Variants in RORB observed in about 807,000 individuals in gnomAD.
RORB encodes the protein RAR related orphan receptor B.
Under a neutral mutation model 59.1 loss-of-function variants are expected in RORB, and 6 were observed. The observed-to-expected ratio is 0.10, with a 90% CI of 0.06 to 0.20. The LOEUF is 0.20. Ranked by LOEUF, RORB falls within the 10% of genes least tolerant of loss-of-function variation. The pLI, the probability that RORB is intolerant of heterozygous loss-of-function variation, is 1.00. For missense variants in RORB, 320 were observed against 560.5 expected, an observed-to-expected ratio of 0.57 and a Z score of 4.33; for synonymous variants, 215 against 204.5, an observed-to-expected ratio of 1.05 and a Z score of -0.44.
chr9:74,602,839 A>G (rs1035984441), intron 1 of RORB, among the ~76,000 whole-genome samples: 2 of 152,208 alleles, frequency 1.3e-5, no homozygotes, highest in African/African-American at 4.8e-5. Context: ...TTAAATATAA[A>G]GTATTATTAT....
chr9:74,664,890 C>T (rs12001830), intron 6 of RORB, among the ~76,000 whole-genome samples: 22,912 of 152,178 alleles, frequency 0.15, 2,123 homozygotes, highest in Non-Finnish European at 0.19. Context: ...AGCAGTATTT[C>T]CTCAGGATGT....
intron 1 of RORB, among the ~76,000 whole-genome samples, chr9:74,579,546 G>T (rs143611262): frequency 2.4e-3 from 371 of 152,070 alleles, no homozygotes; most frequent in Non-Finnish European, 4.4e-3. Flanking sequence ...ACAAAAGTTG[G>T]GTTGACACAA....
At chr9:74,563,879 A>G (rs1021416727) in intron 1 of RORB, among the ~76,000 whole-genome samples, 6 of 152,216 alleles carry the variant, frequency 3.9e-5, no homozygotes, top group African/African-American at 1.2e-4. Flanking sequence ...ATGCCTTCCA[A>G]TGGTGACTAT....
chr9:74,516,790 A>G (rs1826016897), intron 1 of RORB, among the ~76,000 whole-genome samples: 1 of 151,996 alleles, frequency 6.6e-6, no homozygotes, highest in South Asian at 2.1e-4. Context: ...ACTTGATTTG[A>G]GTCTGGTGTT....
Position 74,642,791 on chromosome 9 carries a change from C to T in RORB, c.613C>T (p.Pro205Ser), listed in dbSNP as rs140313265. The T allele has an allele frequency of 7.6e-5, 122 of 1,594,832 alleles. No individual in the cohort carries two copies. In the African/African-American group the frequency reaches 1.3e-3, roughly 17 times the overall value. The change falls in exon 4 of 10, where the codon CCA (proline) becomes TCA (serine). Residue 205 changes from proline (P) to serine (S), a missense_variant. Around this residue, in one of 4 missense-constraint regions of RORB, gnomAD observed 134 missense variants for 156.2 expected, o/e 0.86. Coordinates refer to ENST00000376896, the MANE Select transcript of RORB (RefSeq NM_006914.4). ...CTCTTTCAACAATGGGCAGTTAGCA[C>T]CAGGGATAACCATGACTGAAATCGG... ...YSSFNNGQLA[P>S]GITMTEIDRI...
At chr9:74,685,049 A>G (rs987803486) in intron 9 of RORB, among the ~76,000 whole-genome samples, 17 of 152,224 alleles carry the variant, frequency 1.1e-4, no homozygotes, top group Non-Finnish European at 2.4e-4. Flanking sequence ...CCAATGAAGT[A>G]GGTACTGTTA....
At chr9:74,549,531 GGGAGGGAGGGAGGGAGGGAAGGAAGGAA>G (rs1432314433) in intron 1 of RORB, among the ~76,000 whole-genome samples, 13 of 26,344 alleles carry the variant, frequency 4.9e-4, no homozygotes, top group South Asian at 1.9e-3. Context: ...GAGGGAGGGA[GGGAGGGAGGGAGGGAGGGAAGGAAGGAA>G]GGAAGGAAGG....
intron 4 of RORB, among the ~76,000 whole-genome samples, chr9:74,648,251 C>T (rs746641540): frequency 6.6e-5 from 10 of 152,186 alleles, no homozygotes; most frequent in Admixed American, 1.3e-4. Context: ...TCACCCCCAC[C>T]CCAACCACAC....
At chr9:74,669,111 A>G (rs188006486) in intron 8 of RORB, among the ~76,000 whole-genome samples, 50 of 152,364 alleles carry the variant, frequency 3.3e-4, no homozygotes, top group Non-Finnish European at 5.6e-4. Flanking sequence ...CTGAAATGCC[A>G]AGTTCTTAAA....
At chr9:74,510,815 GA>G (rs1169302566) in intron 1 of RORB, among the ~76,000 whole-genome samples, 1 of 151,984 alleles carries the variant, frequency 6.6e-6, no homozygotes, top group East Asian at 1.9e-4. Flanking sequence ...ATAAACATTT[GA>G]AAAAAAGAGC....
chr9:74,646,276 C>A (rs1318390091), intron 4 of RORB, among the ~76,000 whole-genome samples: 4 of 152,070 alleles, frequency 2.6e-5, no homozygotes, highest in Admixed American at 1.3e-4. Flanking sequence ...CTTTTAAAAA[C>A]CAGTTTTTAG....
intron 1 of RORB, among the ~76,000 whole-genome samples, chr9:74,589,303 G>A (rs969688448): frequency 2.6e-5 from 4 of 152,162 alleles, no homozygotes; most frequent in Non-Finnish European, 5.9e-5. Flanking sequence ...CTTTAAGTGT[G>A]TTCCTGTGTC....
At chr9:74,562,175 C>A (rs958255583) in intron 1 of RORB, among the ~76,000 whole-genome samples, 1 of 152,142 alleles carries the variant, frequency 6.6e-6, no homozygotes, top group African/African-American at 2.4e-5. Flanking sequence ...TTGAAAACTT[C>A]TATACTCAAA....
intron 1 of RORB, among the ~76,000 whole-genome samples, chr9:74,595,784 G>A (rs1822961141): frequency 6.6e-6 from 1 of 152,194 alleles, no homozygotes; most frequent in Non-Finnish European, 1.5e-5. Context: ...TATGGGAAGA[G>A]TAGGTGGGTG....
chr9:74,535,804 G>A (rs2118115536), intron 1 of RORB, among the ~76,000 whole-genome samples: 1 of 152,046 alleles, frequency 6.6e-6, no homozygotes, highest in South Asian at 2.1e-4. Flanking sequence ...GGAATTTATA[G>A]GTTAGTAGTA....
At chr9:74,640,035 C>T (rs1196762140) in intron 3 of RORB, among the ~76,000 whole-genome samples, 1 of 152,124 alleles carries the variant, frequency 6.6e-6, no homozygotes, top group Non-Finnish European at 1.5e-5. Context: ...GGTAGTGTCT[C>T]TACAAACAAA....
intron 1 of RORB, among the ~76,000 whole-genome samples, chr9:74,617,802 C>A (rs1002475587): frequency 1.3e-5 from 2 of 152,142 alleles, no homozygotes; most frequent in African/African-American, 4.8e-5. Flanking sequence ...AATGAGAATA[C>A]TTTCCTTTAA....
chr9:74,674,354 A>T (rs1206030805), intron 9 of RORB, among the ~76,000 whole-genome samples: 1 of 152,148 alleles, frequency 6.6e-6, no homozygotes, highest in African/African-American at 2.4e-5. Context: ...ACCTGTCTCT[A>T]AAAAAATGCA....
chr9:74,507,224 A>C (rs144412295), intron 1 of RORB, among the ~76,000 whole-genome samples: 2 of 152,100 alleles, frequency 1.3e-5, no homozygotes, highest in East Asian at 1.9e-4. Flanking sequence ...GAAGTGTTAC[A>C]TATAACTTAA....
Sources: gnomAD v4.1 joint callset for allele counts (sites outside exome capture counted in the v4.1 genomes callset) on GRCh38, gnomAD v4.1.1 for gene constraint, gnomAD v4.1.1 regional missense constraint, MANE v1.5 for transcripts, NCBI Gene and HGNC (gene_info 2026-07-23, HGNC 2026-07-21) for gene names.